The following KCNIP4 variants were observed in gnomAD, a reference collection of about 807,000 sequenced individuals.
KCNIP4 encodes the protein potassium voltage-gated channel interacting protein 4.
Under a neutral mutation model 34.0 loss-of-function variants are expected in KCNIP4, and 12 were observed. The observed-to-expected ratio is 0.35, with a 90% confidence interval of 0.23 to 0.57. The LOEUF (loss-of-function observed/expected upper bound fraction) is 0.57, where lower values mean the gene tolerates loss of function less well. Ranked by LOEUF, KCNIP4 falls within the 20% of genes least tolerant of loss-of-function variation. The probability of loss-of-function intolerance (pLI) is 0.83; values close to 1 mark genes in which losing one functional copy is unlikely to be tolerated. For synonymous variants in KCNIP4, 124 were observed against 102.2 expected (o/e 1.21, Z -1.29); for missense variants, 238 against 311.7 (o/e 0.76, Z 1.78).
At chr4:21,754,568 T>C (rs1316562661) in intron 1 of KCNIP4, among the ~76,000 whole-genome samples, 1 of 152,140 alleles carries the variant, frequency 6.6e-6, no homozygotes, top group Non-Finnish European at 1.5e-5. Context: ...AGTCACCCAA[T>C]ACATAAGCAG....
intron 1 of KCNIP4, among the ~76,000 whole-genome samples, chr4:21,327,642 C>G (rs1445317926): frequency 6.6e-6 from 1 of 151,940 alleles, no homozygotes; most frequent in Non-Finnish European, 1.5e-5. Flanking sequence ...CTACCCGTAG[C>G]TCTCTCTCTA....
intron 1 of KCNIP4, among the ~76,000 whole-genome samples, chr4:21,643,771 TC>T (rs2109240118): frequency 6.6e-6 from 1 of 152,128 alleles, no homozygotes; most frequent in East Asian, 1.9e-4. Flanking sequence ...TGCCAGACTA[TC>T]CTGCAGATTT....
chr4:21,212,379 G>A (rs1180640522), intron 1 of KCNIP4, among the ~76,000 whole-genome samples: 1 of 152,114 alleles, frequency 6.6e-6, no homozygotes, highest in Non-Finnish European at 1.5e-5. Flanking sequence ...TTGGAACCTG[G>A]TTTGATTCAA....
chr4:21,673,394 CTTGA>C (rs1256976992), intron 1 of KCNIP4, among the ~76,000 whole-genome samples: 1 of 152,026 alleles, frequency 6.6e-6, no homozygotes, highest in South Asian at 2.1e-4. Context: ...GTAGCTTCAT[CTTGA>C]TTAAGTTCTA....
intron 1 of KCNIP4, among the ~76,000 whole-genome samples, chr4:21,648,848 A>T (rs1747247396): frequency 6.6e-6 from 1 of 152,152 alleles, no homozygotes; most frequent in Non-Finnish European, 1.5e-5. Context: ...ATAGAAAGTC[A>T]AATATTTGTT....
At chr4:21,767,527 A>C (rs977966513) in intron 1 of KCNIP4, among the ~76,000 whole-genome samples, 1 of 152,052 alleles carries the variant, frequency 6.6e-6, no homozygotes, top group African/African-American at 2.4e-5. Flanking sequence ...ATTATGCAAT[A>C]CTTTTAGGTT....
At chr4:21,314,750 C>T (rs1013049576) in intron 1 of KCNIP4, among the ~76,000 whole-genome samples, 1 of 152,120 alleles carries the variant, frequency 6.6e-6, no homozygotes. Context: ...AAAACTCTGG[C>T]TACCTAGTGT....
At chr4:20,822,568 A>G (rs1717240162) in intron 3 of KCNIP4, among the ~76,000 whole-genome samples, 1 of 152,178 alleles carries the variant, frequency 6.6e-6, no homozygotes, top group African/African-American at 2.4e-5. Context: ...CAATCCCACC[A>G]CTGGGTATCT....
intron 1 of KCNIP4, among the ~76,000 whole-genome samples, chr4:21,310,397 C>T (rs577502666): frequency 6.6e-6 from 1 of 152,164 alleles, no homozygotes; most frequent in African/African-American, 2.4e-5. Context: ...ATCACTTGCC[C>T]AGGTGCTCCT....
intron 1 of KCNIP4, among the ~76,000 whole-genome samples, chr4:21,768,131 ATT>A: frequency 6.6e-6 from 1 of 152,262 alleles, no homozygotes; most frequent in African/African-American, 2.4e-5. Context: ...TAAATTTATG[ATT>A]TGTGATTAAA....
At chr4:21,015,899 TATA>T (rs1017904649) in intron 1 of KCNIP4, among the ~76,000 whole-genome samples, 4 of 141,690 alleles carry the variant, frequency 2.8e-5, no homozygotes, top group Non-Finnish European at 4.6e-5. Flanking sequence ...ATATATACAA[TATA>T]ATATGTTTAA....
intron 1 of KCNIP4, among the ~76,000 whole-genome samples, chr4:21,707,932 TACACACACACACACAC>T (rs3050896): frequency 2.0e-5 from 3 of 146,822 alleles, no homozygotes; most frequent in African/African-American, 7.5e-5. Flanking sequence ...AACACACACA[TACACACACACACACAC>T]ACACACACAC....
At chr4:20,753,855 C>T (rs1168115252) in intron 4 of KCNIP4, among the ~76,000 whole-genome samples, 1 of 152,098 alleles carries the variant, frequency 6.6e-6, no homozygotes, top group Non-Finnish European at 1.5e-5. Flanking sequence ...TTGCATACAG[C>T]GGCTGCTTAA....
chr4:21,516,065 A>G (rs1053704737), intron 1 of KCNIP4, among the ~76,000 whole-genome samples: 1 of 152,212 alleles, frequency 6.6e-6, no homozygotes, highest in Non-Finnish European at 1.5e-5. Context: ...ATGACAGAAT[A>G]AACAAATCAA....
chr4:21,291,169 A>G (rs1181224306), intron 1 of KCNIP4, among the ~76,000 whole-genome samples: 2 of 152,110 alleles, frequency 1.3e-5, no homozygotes, highest in Non-Finnish European at 2.9e-5. Context: ...GTACTTGTAC[A>G]CATGGTTAAA....
intron 1 of KCNIP4, among the ~76,000 whole-genome samples, chr4:21,604,482 T>C (rs546772906): frequency 6.6e-6 from 1 of 152,200 alleles, no homozygotes; most frequent in East Asian, 1.9e-4. Flanking sequence ...AATACAGCAA[T>C]ATACAGTAAT....
intron 1 of KCNIP4, among the ~76,000 whole-genome samples, chr4:21,291,511 G>A (rs181896797): frequency 2.0e-5 from 3 of 152,032 alleles, no homozygotes; most frequent in Non-Finnish European, 2.9e-5. Context: ...GATGATTTAC[G>A]GCTAACACAG....
At chr4:21,801,236 T>A (rs917001969) in intron 1 of KCNIP4, among the ~76,000 whole-genome samples, 1 of 152,218 alleles carries the variant, frequency 6.6e-6, no homozygotes, top group Non-Finnish European at 1.5e-5. Context: ...GTAATCTTTT[T>A]AAATTTATGT....
At chr4:21,730,567 G>C (rs1013042552) in intron 1 of KCNIP4, among the ~76,000 whole-genome samples, 1 of 152,098 alleles carries the variant, frequency 6.6e-6, no homozygotes, top group Non-Finnish European at 1.5e-5. Context: ...AGGCTACGAG[G>C]CTTGGAGATA....
Sources: gnomAD v4.1 joint callset for allele counts (sites outside exome capture counted in the v4.1 genomes callset) on GRCh38, gnomAD v4.1.1 for gene constraint, MANE v1.5 for transcripts, NCBI Gene and HGNC (gene_info 2026-07-23, HGNC 2026-07-21) for gene names.